LDLRAD4: variants seen among roughly 807,000 people sequenced by gnomAD.
The protein encoded by LDLRAD4 is low density lipoprotein receptor class A domain containing 4, also known as low-density lipoprotein receptor class A domain-containing protein 4.
A neutral mutation model predicts 17.0 loss-of-function variants in LDLRAD4; 5 were observed. That is an observed-to-expected ratio of 0.29 (90% CI 0.15 to 0.62). LDLRAD4 has a LOEUF of 0.62. Among genes scored for constraint, LDLRAD4 ranks in the 20% least tolerant of loss-of-function variants. LDLRAD4 has a pLI of 0.84. For synonymous variants in LDLRAD4, 168 were observed against 171.8 expected (o/e 0.98, Z 0.17); for missense variants, 340 against 424.7 (o/e 0.80, Z 1.75).
At chr18:13,267,996 G>T (rs2044316769) in intron 1 of LDLRAD4, among the ~76,000 whole-genome samples, 1 of 152,134 alleles carries the variant, frequency 6.6e-6, no homozygotes, top group Non-Finnish European at 1.5e-5. Flanking sequence ...TGTAGTAGCT[G>T]GGACGACAAC....
At chr18:13,624,879 G>A (rs935958406) in intron 4 of LDLRAD4, among the ~76,000 whole-genome samples, 15 of 152,218 alleles carry the variant, frequency 9.9e-5, no homozygotes, top group East Asian at 1.9e-4. Flanking sequence ...AGGGCAAGGC[G>A]GCTGGGGAGG....
intron 3 of LDLRAD4, among the ~76,000 whole-genome samples, chr18:13,464,451 A>G (rs1470361529): frequency 6.6e-6 from 1 of 152,230 alleles, no homozygotes; most frequent in Non-Finnish European, 1.5e-5. Flanking sequence ...AGCTTATGTC[A>G]ACTAATAATC....
intron 1 of LDLRAD4, among the ~76,000 whole-genome samples, chr18:13,320,316 A>T (rs1020261913): frequency 1.3e-5 from 2 of 152,242 alleles, no homozygotes; most frequent in Non-Finnish European, 2.9e-5. Flanking sequence ...GTGTTGACGT[A>T]ATCTGTTGCC....
At chr18:13,298,295 G>A (rs940540540) in intron 1 of LDLRAD4, among the ~76,000 whole-genome samples, 1 of 152,232 alleles carries the variant, frequency 6.6e-6, no homozygotes, top group African/African-American at 2.4e-5. Flanking sequence ...CAATGTTGGA[G>A]CTGCTCTGGG....
chr18:13,364,089 A>C (rs1412136602), intron 1 of LDLRAD4, among the ~76,000 whole-genome samples: 1 of 152,216 alleles, frequency 6.6e-6, no homozygotes, highest in Admixed American at 6.5e-5. Flanking sequence ...ACAAGTTTTA[A>C]TATATATTAA....
chr18:13,643,272 T>A, intron 4 of LDLRAD4, 87 bp from the exon 6 acceptor site: 1 of 847,438 alleles, frequency 1.2e-6, no homozygotes, highest in Non-Finnish European at 1.8e-6. Flanking sequence ...TTCCAGAAGT[T>A]GTGCTTCATG....
At chr18:13,368,745 A>G (rs1263687981) in intron 1 of LDLRAD4, among the ~76,000 whole-genome samples, 1 of 152,182 alleles carries the variant, frequency 6.6e-6, no homozygotes, top group Non-Finnish European at 1.5e-5. Flanking sequence ...GGCTCACCTG[A>G]ACTTTGTGTA....
At chr18:13,244,261 TCTATC>T (rs2145729733) in intron 1 of LDLRAD4, among the ~76,000 whole-genome samples, 2 of 150,732 alleles carry the variant, frequency 1.3e-5, no homozygotes, top group East Asian at 4.0e-4. Context: ...CACTCATTCT[TCTATC>T]CATCCATCTA....
chr18:13,383,315 T>A (rs2085527981), intron 1 of LDLRAD4, among the ~76,000 whole-genome samples: 1 of 152,230 alleles, frequency 6.6e-6, no homozygotes, highest in African/African-American at 2.4e-5. Context: ...GCCTTTGCTC[T>A]CATGGCACTT....
chr18:13,401,918 G>A (rs1441299067), intron 2 of LDLRAD4, among the ~76,000 whole-genome samples: 1 of 152,138 alleles, frequency 6.6e-6, no homozygotes, highest in Admixed American at 6.5e-5. Flanking sequence ...TTACTCTCAC[G>A]CTTCCCTGAG....
intron 3 of LDLRAD4, among the ~76,000 whole-genome samples, chr18:13,555,480 T>TAATC (rs1467951562): frequency 1.3e-5 from 2 of 152,250 alleles, no homozygotes; most frequent in African/African-American, 4.8e-5. Flanking sequence ...TACTTTTGAT[T>TAATC]AAAGAGCTTA....
Position 13,622,827 on chromosome 18 carries a change from C to A in LDLRAD4, c.336+1556C>A, listed in dbSNP as rs371555571. The stretch of plus-strand genomic sequence containing the variant: ...GCCTTAATGTATTACGGGCTGTGAA[C>A]GCCACCCCTGGACTTGGTGGAAACA... On this transcript the variant is annotated intron_variant, in intron 4 of 5. Coordinates refer to ENST00000359446, the Ensembl canonical transcript of LDLRAD4. This position sits in a 1 kb window ranked among gnomAD's most constrained non-coding sequence, Gnocchi z 5.3. 6.6e-6 allele frequency among the ~76,000 whole-genome samples: 1 copy of A among 152,174 alleles called. No individual in the cohort carries two copies. Among genetic ancestry groups the A allele is most frequent in the Non-Finnish European group, 1.5e-5 (1 of 68,032 alleles).
In LDLRAD4 at chr18:13,432,786, G is replaced by A. The variant is rs185158333; in HGVS notation, c.41-5458G>A. 7.2e-5 allele frequency among the ~76,000 whole-genome samples: 11 copies of A among 152,230 alleles called. No individual in the cohort carries two copies. The East Asian group carries it at 1.9e-3, about 27-fold the overall frequency. On this transcript the variant is annotated intron_variant, in intron 2 of 5. Coordinates refer to ENST00000359446, the Ensembl canonical transcript of LDLRAD4. Reference sequence around the variant, plus strand: ...GGCTGGAGTGCAGTGGCGTGATCTCGGCTCACTGCAGCCTCAAACTCCTAG... The same window carrying A: ...GGCTGGAGTGCAGTGGCGTGATCTCAGCTCACTGCAGCCTCAAACTCCTAG...
chr18:13,413,576 T>C (rs1443456045), intron 2 of LDLRAD4, among the ~76,000 whole-genome samples: 1 of 152,210 alleles, frequency 6.6e-6, no homozygotes, highest in Non-Finnish European at 1.5e-5. Flanking sequence ...TAGAATGTGA[T>C]TTGGGAAAAG....
Position 13,645,103 on chromosome 18 carries a change from A to T in LDLRAD4, c.391-24A>T. 1.3e-6 allele frequency: 2 copies of T among 1,579,658 alleles called. No individual in the cohort carries two copies. The highest frequency in any genetic ancestry group is 1.7e-6 in the Non-Finnish European group (2 of 1,161,612). On this transcript the variant is annotated intron_variant, in intron 5 of 5. Transcript: ENST00000359446. This position sits in a 1 kb window ranked among gnomAD's most constrained non-coding sequence, Gnocchi z 5.7. ...TCATCATTGCGCTCAAACTGTCTTC[A>T]AGCCTCTCCTCTTTTCCTTCCAGAT...
At chr18:13,321,212 C>T (rs932620117) in intron 1 of LDLRAD4, among the ~76,000 whole-genome samples, 5 of 152,266 alleles carry the variant, frequency 3.3e-5, no homozygotes, top group African/African-American at 4.8e-5. Flanking sequence ...TGCCCCTACC[C>T]GCCGTCTGCA....
intron 1 of LDLRAD4, among the ~76,000 whole-genome samples, chr18:13,354,494 C>T (rs758532847): frequency 1.6e-4 from 24 of 152,158 alleles, no homozygotes; most frequent in Non-Finnish European, 3.2e-4. Flanking sequence ...ACATAGGCTA[C>T]TGTGATTAGA....
intron 2 of LDLRAD4, chr18:13,420,103 G>A (rs2089308248): frequency 1.3e-5 from 2 of 152,194 alleles, no homozygotes; most frequent in South Asian, 2.1e-4. Flanking sequence ...GCCTAGCAGA[G>A]CACAGAATGT....
At chr18:13,315,623 A>G (rs1373103983) in intron 1 of LDLRAD4, among the ~76,000 whole-genome samples, 1 of 152,068 alleles carries the variant, frequency 6.6e-6, no homozygotes, top group Non-Finnish European at 1.5e-5. Context: ...CATCTCTACT[A>G]AAAATACAAA....
Sources: allele counts gnomAD v4.1 joint callset (sites outside exome capture counted in the v4.1 genomes callset), GRCh38; gene constraint gnomAD v4.1.1; non-coding constraint Gnocchi (gnomAD v3.1); transcripts MANE v1.5; gene names NCBI Gene and HGNC (gene_info 2026-07-23, HGNC 2026-07-21).